AKAP9: variants seen among roughly 807,000 people sequenced by gnomAD.
AKAP9 encodes the protein A-kinase anchor protein 9.
A neutral mutation model predicts 488.5 loss-of-function variants in AKAP9; 311 were observed. The ratio of observed to expected loss-of-function variants is 0.64; its 90% CI spans 0.58 to 0.70. The LOEUF (loss-of-function observed/expected upper bound fraction) is 0.70, where lower values mean the gene tolerates loss of function less well. AKAP9 is among the 30% of genes least tolerant of loss of function. The pLI, the probability that AKAP9 is intolerant of heterozygous loss-of-function variation, is 0.00. For synonymous variants in AKAP9, 1,462 were observed against 1,483.5 expected (o/e 0.99, Z 0.33); for missense variants, 4,215 against 4,374.5 (o/e 0.96, Z 1.03).
chr7:92,000,737 A>G (rs936334984), intron 7 of AKAP9, 111 bp from the exon 8 acceptor site: 3 of 621,318 alleles, frequency 4.8e-6, no homozygotes, highest in Admixed American at 7.6e-5. Context: ...TACTTTTTGT[A>G]GAATTTTTTA....
Position 92,101,013 on chromosome 7 carries a change from T to C in AKAP9, c.11054T>C (p.Leu3685Ser), listed in dbSNP as rs552465205. Residue 3685 changes from leucine to serine, a missense_variant, in exon 45 of 50, where the codon TTA (leucine) becomes TCA (serine). Around this residue, in one of 5 missense-constraint regions of AKAP9, gnomAD observed 74 missense variants for 113.0 expected, o/e 0.65. Coordinates refer to ENST00000356239, the MANE Select transcript of AKAP9 (RefSeq NM_005751.5). ...KLKAELRNDS[L>S]LQTLSPDSEH... ...AAAGCTGAACTAAGAAATGACTCTT[T>C]ACTTCAAACTCTGAGCCCTGATTCT... is the stretch of plus-strand genomic sequence containing the variant. 6.2e-7 allele frequency: 1 copy of C among 1,614,144 alleles called. No individual in the cohort carries two copies. Among genetic ancestry groups the C allele is most frequent in the Admixed American group, 1.7e-5 (1 of 60,030 alleles).
chr7:91,965,354 G>A (rs778195879), intron 1 of AKAP9, among the ~76,000 whole-genome samples: 9 of 152,096 alleles, frequency 5.9e-5, no homozygotes, highest in Admixed American at 2.0e-4. Context: ...ATGGTGCTGC[G>A]AATGACAATT....
chr7:92,098,325 G>A (rs1189775269), intron 43 of AKAP9, 111 bp downstream of exon 43: 6 of 636,620 alleles, frequency 9.4e-6, no homozygotes, highest in South Asian at 3.8e-5. Context: ...AGTTTTATTT[G>A]TATCTTTTTA....
Position 92,022,074 on chromosome 7 carries a change from G to A in AKAP9, c.3838-164G>A, listed in dbSNP as rs548084270. 9.7e-4 allele frequency among the ~76,000 whole-genome samples: 148 copies of A among 152,298 alleles called. No homozygotes were observed. Among genetic ancestry groups the A allele is most frequent in the Non-Finnish European group, 6.2e-4 (42 of 68,018 alleles). ...GTATGGAATATTAATTACTGTTACA[G>A]AAGAGAACAGGGAATAACTTAGAAG... On this transcript the variant is annotated intron_variant, in intron 12 of 49. Transcript: ENST00000356239.
At chr7:92,019,155 T>C (rs79133500) in intron 12 of AKAP9, among the ~76,000 whole-genome samples, 2 of 152,078 alleles carry the variant, frequency 1.3e-5, no homozygotes, top group South Asian at 2.1e-4. Context: ...TTTTTTTTTT[T>C]CTCCAAGACA....
At chr7:91,981,603 C>CTT (rs532220900) in intron 3 of AKAP9, among the ~76,000 whole-genome samples, 8 of 106,640 alleles carry the variant, frequency 7.5e-5, no homozygotes, top group South Asian at 3.2e-4. Context: ...TCTTGTATTT[C>CTT]TTTTTTTTTT....
In AKAP9 at chr7:92,077,007, G is replaced by C; in HGVS notation, c.6765G>C (p.Lys2255Asn). 6.5e-7 allele frequency: 1 copy of C among 1,542,578 alleles called. No individual in the cohort carries two copies. The highest frequency in any genetic ancestry group is 8.8e-7 in the Non-Finnish European group (1 of 1,138,674). The change falls in exon 29 of 50, where the codon AAG (lysine) becomes AAC (asparagine). Residue 2255 changes from lysine to asparagine, a missense_variant and splice_region_variant. Lys to Asn is a moderately conservative substitution (Grantham distance 94). Around this residue, in one of 5 missense-constraint regions of AKAP9, gnomAD observed 51 missense variants for 87.3 expected, o/e 0.58. Coordinates refer to ENST00000356239, the MANE Select transcript of AKAP9 (RefSeq NM_005751.5). ...TTGAACAGGAAAACAAATTATTTAA[G>C]GTAATTAGTTAAGAAAAACTTTTAT... Reference protein sequence around the residue: ...QELEQENKLFKDDMEKLGLAI... With the variant: ...QELEQENKLFNDDMEKLGLAI...
chr7:91,988,648 A>G (rs1176627263), intron 3 of AKAP9, among the ~76,000 whole-genome samples: 1 of 152,192 alleles, frequency 6.6e-6, no homozygotes, highest in Non-Finnish European at 1.5e-5. Context: ...ATTTTACCTA[A>G]ATATGACTAT....
At chr7:91,980,450 A>G (rs543603235) in intron 3 of AKAP9, 117 bp downstream of exon 3, 2 of 384,934 alleles carry the variant, frequency 5.2e-6, no homozygotes, top group South Asian at 4.9e-5. Flanking sequence ...TATTTTTATA[A>G]ATATAATGTT....
chr7:91,990,137 A>G (rs745562820), intron 3 of AKAP9, among the ~76,000 whole-genome samples: 2 of 152,108 alleles, frequency 1.3e-5, no homozygotes, highest in Non-Finnish European at 2.9e-5. Context: ...TAACTTCAAC[A>G]AATGCCACAA....
intron 1 of AKAP9, among the ~76,000 whole-genome samples, chr7:91,962,634 G>A (rs958951892): frequency 6.6e-6 from 1 of 151,980 alleles, no homozygotes; most frequent in Non-Finnish European, 1.5e-5. Context: ...CTTACCTTCC[G>A]GTTAATCTGA....
At chr7:92,022,476 T>A in intron 13 of AKAP9, 124 bp downstream of exon 13, 1 of 700,210 alleles carries the variant, frequency 1.4e-6, no homozygotes. Flanking sequence ...CTCTCTGATC[T>A]CAATTTTTTC....
At position 92,099,826 on chromosome 7, in the gene AKAP9, A is replaced by G; in HGVS notation, c.10853A>G (p.Glu3618Gly). Residue 3618 changes from glutamate to glycine, a missense_variant, in exon 44 of 50, where the codon GAG becomes GGG. Coordinates refer to ENST00000356239, the MANE Select transcript of AKAP9 (RefSeq NM_005751.5). ...AGGAACATGGTTATGAAGCTGGAAG[A>G]GCAGATCAGGTGGTATCGACAGACA... ...DLRNMVMKLE[E>G]QIRWYRQTGA... 6.2e-7 allele frequency: 1 copy of G among 1,614,110 alleles called. No homozygotes were observed.
At position 92,012,492 on chromosome 7, in the gene AKAP9, G is replaced by A; in HGVS notation, c.3382G>A (p.Val1128Met). The stretch of plus-strand genomic sequence containing the variant: ...CCTCTCTCTGGTTTATTCAACTCAT[G>A]TGGATCAGGTTCGTGAATATATGGA... ...ICLSLVYSTH[V>M]DQVREYMENE... Residue 1128 changes from valine (V) to methionine (M), a missense_variant, in exon 9 of 50, where the codon GTG becomes ATG. By Grantham distance (21) the Val-to-Met change is conservative. Coordinates refer to ENST00000356239, the MANE Select transcript of AKAP9 (RefSeq NM_005751.5). 6 of 1,614,100 alleles carry A rather than the reference G, an allele frequency of 3.7e-6. No homozygotes were observed. The highest frequency in any genetic ancestry group is 5.1e-6 in the Non-Finnish European group (6 of 1,179,992).
At chr7:91,958,466 C>G (rs1228205676) in intron 1 of AKAP9, among the ~76,000 whole-genome samples, 1 of 152,162 alleles carries the variant, frequency 6.6e-6, no homozygotes, top group African/African-American at 2.4e-5. Context: ...GTTCTTCTCA[C>G]TGTTCATTGT....
At chr7:92,026,306 C>T (rs1384108409) in intron 14 of AKAP9, among the ~76,000 whole-genome samples, 2 of 152,152 alleles carry the variant, frequency 1.3e-5, no homozygotes, top group East Asian at 1.9e-4. Context: ...AGAATGAAGT[C>T]GCTCTCCCTC....
At chr7:91,969,113 C>T (rs1562911035) in intron 1 of AKAP9, among the ~76,000 whole-genome samples, 2 of 152,062 alleles carry the variant, frequency 1.3e-5, no homozygotes, top group African/African-American at 4.8e-5. Context: ...TGGTTTTGAA[C>T]TTCTGGGCTC....
intron 1 of AKAP9, among the ~76,000 whole-genome samples, chr7:91,949,475 C>A (rs1791923724): frequency 2.6e-5 from 4 of 152,078 alleles, no homozygotes. Flanking sequence ...TTGATCATTG[C>A]CAGTCCATTT....
chr7:92,105,856 T>TG, intron 47 of AKAP9, 93 bp downstream of exon 47: 3 of 1,169,450 alleles, frequency 2.6e-6, no homozygotes, highest in Non-Finnish European at 3.8e-6. Context: ...GTCTGTGGCC[T>TG]GTTAGGAACC....
Sources: allele counts gnomAD v4.1 joint callset (sites outside exome capture counted in the v4.1 genomes callset), GRCh38; gene constraint gnomAD v4.1.1; regional missense constraint gnomAD v4.1.1; transcripts MANE v1.5; gene names NCBI Gene and HGNC (gene_info 2026-07-23, HGNC 2026-07-21).